Variants in LARP1B observed in about 807,000 individuals in gnomAD.
LARP1B encodes the protein La ribonucleoprotein 1B.
A neutral mutation model predicts 114.2 loss-of-function variants in LARP1B; 76 were observed. That is an observed-to-expected ratio of 0.67 (90% CI 0.55 to 0.81). LARP1B has a LOEUF of 0.81. Among genes scored for constraint, LARP1B ranks in the 30% least tolerant of loss-of-function variants. The pLI, the probability that LARP1B is intolerant of heterozygous loss-of-function variation, is 0.00. For missense variants in LARP1B, 1,014 were observed against 1,075.8 expected (o/e 0.94, Z 0.80); for synonymous variants, 345 against 348.0 (o/e 0.99, Z 0.10).
intron 7 of LARP1B, chr4:128,092,894 T>A: frequency 1.0e-6 from 1 of 985,452 alleles, no homozygotes; most frequent in African/African-American, 1.7e-5. Flanking sequence ...AAGTCCCTTC[T>A]GAGACCTGAC....
chr4:128,063,149 C>CG, intron 1 of LARP1B, among the ~76,000 whole-genome samples: 1 of 151,786 alleles, frequency 6.6e-6, no homozygotes, highest in East Asian at 2.0e-4. Context: ...AAAAATGGGC[C>CG]GGCGCGGTGG....
intron 3 of LARP1B, among the ~76,000 whole-genome samples, chr4:128,076,096 C>G (rs1310111887): frequency 6.6e-6 from 1 of 152,118 alleles, no homozygotes; most frequent in African/African-American, 2.4e-5. Context: ...TCACTGCAAC[C>G]TCCGCCTCCC....
At chr4:128,194,409 G>A (rs1183393954) in intron 15 of LARP1B, among the ~76,000 whole-genome samples, 4 of 151,990 alleles carry the variant, frequency 2.6e-5, no homozygotes, top group African/African-American at 4.8e-5. Context: ...TTGGCTGGTC[G>A]CAGTGGCTCA....
At chr4:128,064,549 C>T (rs554544762) in intron 1 of LARP1B, among the ~76,000 whole-genome samples, 1 of 152,282 alleles carries the variant, frequency 6.6e-6, no homozygotes, top group Non-Finnish European at 1.5e-5. Flanking sequence ...TAAGTGAAGA[C>T]CTCATAAAGT....
intron 11 of LARP1B, among the ~76,000 whole-genome samples, chr4:128,149,194 A>G (rs1731613032): frequency 6.6e-6 from 1 of 152,210 alleles, no homozygotes; most frequent in Middle Eastern, 3.2e-3. Flanking sequence ...TTATTGCTAA[A>G]CAAGTATAAT....
chr4:128,199,348 C>T, intron 15 of LARP1B, 91 bp from the exon 16 acceptor site: 5 of 1,001,232 alleles, frequency 5.0e-6, no homozygotes, highest in Non-Finnish European at 4.2e-6. Flanking sequence ...ACTGCTTAGA[C>T]CCCCAATAAT....
chr4:128,113,779 CTCT>C (rs1464159988), intron 9 of LARP1B, among the ~76,000 whole-genome samples: 3 of 140,154 alleles, frequency 2.1e-5, no homozygotes, highest in African/African-American at 5.5e-5. Flanking sequence ...GTGACATTTA[CTCT>C]TTTTTTTTTT....
At chr4:128,090,316 G>T (rs778083830) in intron 5 of LARP1B, among the ~76,000 whole-genome samples, 1 of 152,018 alleles carries the variant, frequency 6.6e-6, no homozygotes, top group Non-Finnish European at 1.5e-5. Context: ...CAGTTGATCC[G>T]CCCCCCTTGG....
At chr4:128,160,457 A>G (rs1169766773) in intron 11 of LARP1B, among the ~76,000 whole-genome samples, 2 of 152,110 alleles carry the variant, frequency 1.3e-5, no homozygotes, top group Admixed American at 6.6e-5. Flanking sequence ...CTTTACCTGA[A>G]TGGTGATTAA....
intron 11 of LARP1B, among the ~76,000 whole-genome samples, chr4:128,136,036 TA>T (rs1315304196): frequency 6.6e-6 from 1 of 151,940 alleles, no homozygotes; most frequent in Non-Finnish European, 1.5e-5. Context: ...CTCAGACCTG[TA>T]ATCCCACCAC....
intron 11 of LARP1B, among the ~76,000 whole-genome samples, chr4:128,130,419 G>T (rs1791192346): frequency 6.6e-6 from 1 of 152,120 alleles, no homozygotes; most frequent in Non-Finnish European, 1.5e-5. Context: ...AAGATAAACA[G>T]CAAATATGCA....
At chr4:128,185,820 G>T (rs1371515528) in intron 15 of LARP1B, among the ~76,000 whole-genome samples, 2 of 152,066 alleles carry the variant, frequency 1.3e-5, no homozygotes, top group Admixed American at 1.3e-4. Context: ...ATAGCTTTGG[G>T]TCCTAGTTTA....
chr4:128,075,010 A>G lies in LARP1B; in HGVS notation c.42+17A>G. The G allele has an allele frequency of 1.9e-6, 3 of 1,558,542 alleles. No individual in the cohort carries two copies. Among genetic ancestry groups the G allele is most frequent in the Admixed American group, 1.8e-5 (1 of 56,286 alleles). On this transcript the variant is annotated intron_variant, in intron 3 of 19. Coordinates refer to ENST00000326639, the MANE Select transcript of LARP1B (RefSeq NM_018078.4). ...AACACTGGAGTGAGTATTGTTTTAAAGTTTTTTTTTTTAAAGAAAGGAAAA... is the reference window on the plus strand; with the variant it reads ...AACACTGGAGTGAGTATTGTTTTAAGGTTTTTTTTTTTAAAGAAAGGAAAA...
intron 11 of LARP1B, among the ~76,000 whole-genome samples, chr4:128,131,278 G>T (rs1198994454): frequency 6.6e-6 from 1 of 152,034 alleles, no homozygotes; most frequent in Admixed American, 6.6e-5. Context: ...TTTCTGCTTG[G>T]TTTTGCTGTG....
intron 11 of LARP1B, chr4:128,155,653 C>T (rs540292119): frequency 1.3e-6 from 2 of 1,545,854 alleles, no homozygotes; most frequent in South Asian, 2.2e-5. Flanking sequence ...CCTGGGGCCG[C>T]CTCCAGTGGT....
intron 11 of LARP1B, among the ~76,000 whole-genome samples, chr4:128,130,168 C>T (rs1426373108): frequency 1.3e-5 from 2 of 152,058 alleles, no homozygotes; most frequent in Non-Finnish European, 2.9e-5. Context: ...GCCTGGGCAA[C>T]ATAGTGAGAC....
intron 15 of LARP1B, among the ~76,000 whole-genome samples, chr4:128,188,915 A>C (rs534473263): frequency 6.6e-6 from 1 of 152,204 alleles, no homozygotes; most frequent in African/African-American, 2.4e-5. Context: ...GTAGCCTAAC[A>C]TATGTTTTAT....
At chr4:128,110,074 T>C (rs1580519254) in intron 9 of LARP1B, among the ~76,000 whole-genome samples, 1 of 152,056 alleles carries the variant, frequency 6.6e-6, no homozygotes, top group African/African-American at 2.4e-5. Flanking sequence ...TGGCTTATTT[T>C]TGTATTTTTA....
At position 128,098,767 on chromosome 4, in the gene LARP1B, ATTTTTT is replaced by A. The variant is rs869184167; in HGVS notation, c.813+460_813+465del. Among the ~76,000 whole-genome samples the A allele has an allele frequency of 4.6e-3, 160 of 35,008 alleles. 2 individuals carry two copies. The highest frequency in any genetic ancestry group is 0.016 in the African/African-American group (127 of 7,928). The allele number at this position is 35,008 out of a possible 152,430, so 23.0% of individuals were successfully genotyped here. On this transcript the variant is annotated intron_variant, in intron 8 of 19. Coordinates refer to ENST00000326639, the MANE Select transcript of LARP1B (RefSeq NM_018078.4). ...TATGTGTATATATATATATATATAT[ATTTTTT>A]TTTTTTTTTTTTTTTTTTTTTTAAG...
Sources: gnomAD v4.1 joint callset for allele counts (sites outside exome capture counted in the v4.1 genomes callset) on GRCh38, gnomAD v4.1.1 for gene constraint, MANE v1.5 for transcripts, NCBI Gene and HGNC (gene_info 2026-07-23, HGNC 2026-07-21) for gene names.